Variants in IFT25 observed in about 807,000 individuals in gnomAD.
IFT25 encodes the protein intraflagellar transport protein 25 homolog.
the IFT25 span, among the ~76,000 whole-genome samples, chr1:53,943,294 T>C: frequency 5.3e-5 from 8 of 152,282 alleles, no homozygotes; most frequent in South Asian, 2.1e-4. Flanking sequence ...GCATTGGTAG[T>C]TCTCTTAGGC....
the IFT25 span, among the ~76,000 whole-genome samples, chr1:53,939,516 A>C: frequency 6.6e-6 from 1 of 152,194 alleles, no homozygotes. Context: ...GAAGAGTAGA[A>C]ATTGGAAGGA....
At chr1:53,935,514 A>C in the IFT25 span, among the ~76,000 whole-genome samples, 1 of 150,892 alleles carries the variant, frequency 6.6e-6, no homozygotes, top group Non-Finnish European at 1.5e-5. Context: ...TGGCTATGTA[A>C]CTCTGTGAAT....
At chr1:53,924,730 G>C in the IFT25 span, among the ~76,000 whole-genome samples, 1 of 152,110 alleles carries the variant, frequency 6.6e-6, no homozygotes, top group Non-Finnish European at 1.5e-5. Context: ...CCAGCTACTC[G>C]GGAGGCTGAG....
At chr1:53,944,795 G>C in the IFT25 span, among the ~76,000 whole-genome samples, 1 of 152,124 alleles carries the variant, frequency 6.6e-6, no homozygotes, top group African/African-American at 2.4e-5. Context: ...GGTATTCCCT[G>C]ATGCCTTATC....
chr1:53,920,882 A>G, the IFT25 span, among the ~76,000 whole-genome samples: 6 of 149,688 alleles, frequency 4.0e-5, no homozygotes, highest in Non-Finnish European at 8.9e-5. Context: ...CAGAACAAAT[A>G]AAAGTAAAGG....
At chr1:53,942,833 G>A in the IFT25 span, among the ~76,000 whole-genome samples, 3 of 152,310 alleles carry the variant, frequency 2.0e-5, 1 homozygote, top group Non-Finnish European at 1.5e-5. Flanking sequence ...AGATGAATAA[G>A]CATGAAACTA....
chr1:53,926,113 A>T, the IFT25 span, among the ~76,000 whole-genome samples: 1 of 151,538 alleles, frequency 6.6e-6, no homozygotes, highest in Non-Finnish European at 1.5e-5. Flanking sequence ...AAGCAAGTGC[A>T]AGTGTAAGAC....
the IFT25 span, among the ~76,000 whole-genome samples, chr1:53,912,865 C>T: frequency 6.6e-6 from 1 of 152,206 alleles, no homozygotes; most frequent in African/African-American, 2.4e-5. Context: ...TACGATTCGA[C>T]AGATCTGAGG....
chr1:53,935,289 G>A, the IFT25 span, among the ~76,000 whole-genome samples: 1 of 152,178 alleles, frequency 6.6e-6, no homozygotes, highest in Non-Finnish European at 1.5e-5. Flanking sequence ...CTCCGACACT[G>A]TTTCAAAAGA....
At chr1:53,935,131 T>C in the IFT25 span, among the ~76,000 whole-genome samples, 7 of 152,226 alleles carry the variant, frequency 4.6e-5, no homozygotes, top group East Asian at 1.4e-3. Context: ...CTGGCCAACA[T>C]GGTGAAACTC....
chr1:53,933,809 G>GTTTCTTCTCTCCTT, the IFT25 span, among the ~76,000 whole-genome samples: 3 of 151,684 alleles, frequency 2.0e-5, no homozygotes, highest in African/African-American at 2.4e-5. Flanking sequence ...CTTCTCTCCT[G>GTTTCTTCTCTCCTT]TTTCTGAGTG....
chr1:53,934,867 T>C, the IFT25 span, among the ~76,000 whole-genome samples: 1 of 152,090 alleles, frequency 6.6e-6, no homozygotes, highest in African/African-American at 2.4e-5. Flanking sequence ...GGTGTAGTGG[T>C]GCACACCTGT....
chr1:53,939,335 G>A, the IFT25 span, among the ~76,000 whole-genome samples: 1 of 150,028 alleles, frequency 6.7e-6, no homozygotes, highest in East Asian at 2.0e-4. Context: ...AGGTTGCAGT[G>A]AGCCAAGATG....
chr1:53,939,857 A>G, the IFT25 span: 6 of 639,590 alleles, frequency 9.4e-6, no homozygotes, highest in East Asian at 3.0e-5. Context: ...CCAAAAGTGG[A>G]TATCAGGTAA....
the IFT25 span, among the ~76,000 whole-genome samples, chr1:53,911,614 AAAGAG>A: frequency 2.6e-5 from 4 of 152,132 alleles, no homozygotes; most frequent in Non-Finnish European, 5.9e-5. Context: ...TATATATCTC[AAAGAG>A]GAGATGATTA....
At chr1:53,943,061 A>G in the IFT25 span, among the ~76,000 whole-genome samples, 2 of 152,076 alleles carry the variant, frequency 1.3e-5, no homozygotes, top group Non-Finnish European at 1.5e-5. Context: ...ACAAATGGAA[A>G]AAGGATTTAA....
At chr1:53,919,062 C>T in the IFT25 span, among the ~76,000 whole-genome samples, 1 of 152,148 alleles carries the variant, frequency 6.6e-6, no homozygotes, top group Admixed American at 6.5e-5. Flanking sequence ...TGGTCTTGAA[C>T]CCCTGACCTG....
At chr1:53,944,957 A>C in the IFT25 span, among the ~76,000 whole-genome samples, 1 of 152,114 alleles carries the variant, frequency 6.6e-6, no homozygotes, top group Admixed American at 6.6e-5. Flanking sequence ...TTCTGGTGCT[A>C]CAGCTGGACT....
At chr1:53,923,115 T>C in the IFT25 span, among the ~76,000 whole-genome samples, 3 of 152,186 alleles carry the variant, frequency 2.0e-5, no homozygotes, top group Admixed American at 1.3e-4. Flanking sequence ...GCCTCCCCAG[T>C]ACTTGGGTGA....
Sources: gnomAD v4.1 joint callset for allele counts (sites outside exome capture counted in the v4.1 genomes callset) on GRCh38, gnomAD v4.1.1 for gene constraint, MANE v1.5 for transcripts, NCBI Gene and HGNC (gene_info 2026-07-23, HGNC 2026-07-21) for gene names.